Variants in LRMDA observed in about 807,000 individuals in gnomAD.
LRMDA encodes the protein leucine rich melanocyte differentiation associated, also known as leucine-rich melanocyte differentiation-associated protein.
Under a neutral mutation model 29.8 loss-of-function variants are expected in LRMDA, and 18 were observed. The observed-to-expected ratio is 0.60, with a 90% CI of 0.42 to 0.90. The LOEUF is 0.90. Ranked by LOEUF, LRMDA falls within the 40% of genes least tolerant of loss-of-function variation. The pLI, the probability that LRMDA is intolerant of heterozygous loss-of-function variation, is 0.00. For missense variants in LRMDA, 273 were observed against 273.9 expected (o/e 1.00, Z 0.02); for synonymous variants, 125 against 109.4 (o/e 1.14, Z -0.89).
chr10:75,771,813 A>G (rs946368006), intron 2 of LRMDA, among the ~76,000 whole-genome samples: 2 of 152,018 alleles, frequency 1.3e-5, no homozygotes, highest in African/African-American at 4.8e-5. Context: ...GGCTTGAATC[A>G]CCAGGTGTGG....
intron 5 of LRMDA, among the ~76,000 whole-genome samples, chr10:76,137,913 C>A (rs546787023): frequency 6.6e-6 from 1 of 152,056 alleles, no homozygotes; most frequent in Admixed American, 6.6e-5. Context: ...GCTGGGGGGA[C>A]TGTGATTCTA....
chr10:76,487,917 T>C (rs1042871677), intron 6 of LRMDA, among the ~76,000 whole-genome samples: 1 of 151,910 alleles, frequency 6.6e-6, no homozygotes, highest in Non-Finnish European at 1.5e-5. Flanking sequence ...TCAGTTTCCT[T>C]ATTTCTAAAT....
At chr10:76,477,018 C>A (rs886236744) in intron 6 of LRMDA, among the ~76,000 whole-genome samples, 1 of 152,128 alleles carries the variant, frequency 6.6e-6, no homozygotes, top group African/African-American at 2.4e-5. Flanking sequence ...TCTCACCACT[C>A]CTATTCAACA....
chr10:75,653,167 C>G (rs1201933342), intron 2 of LRMDA, among the ~76,000 whole-genome samples: 1 of 152,142 alleles, frequency 6.6e-6, no homozygotes, highest in East Asian at 1.9e-4. Flanking sequence ...TTCTTTCATT[C>G]CTATTCCAGG....
chr10:76,027,557 T>A (rs1438831762), intron 2 of LRMDA, among the ~76,000 whole-genome samples: 1 of 152,138 alleles, frequency 6.6e-6, no homozygotes, highest in Non-Finnish European at 1.5e-5. Context: ...TTTAAGTGTG[T>A]TTGTGTATGT....
At chr10:75,692,362 TTCTA>T (rs1330115427) in intron 2 of LRMDA, among the ~76,000 whole-genome samples, 3 of 148,082 alleles carry the variant, frequency 2.0e-5, no homozygotes, top group Admixed American at 1.4e-4. Flanking sequence ...ATAGGCCAGG[TTCTA>T]TCTCTTATCC....
chr10:76,445,764 A>G (rs1216834058), intron 6 of LRMDA, among the ~76,000 whole-genome samples: 1 of 152,150 alleles, frequency 6.6e-6, no homozygotes, highest in African/African-American at 2.4e-5. Context: ...ACTAGTGACA[A>G]CTTGGAGTGG....
chr10:76,452,890 A>G lies in LRMDA; in HGVS notation c.602-104319A>G, dbSNP rs1589193589. Among the ~76,000 whole-genome samples the G allele has an allele frequency of 2.6e-5, 4 of 152,170 alleles. No homozygotes were observed. The South Asian group carries it at 6.2e-4, about 24-fold the overall frequency. On this transcript the variant is annotated intron_variant, in intron 6 of 6. Transcript: ENST00000611255. Reference sequence around the variant, plus strand: ...TATCCTAGGATTCCAAATTCCTAGTATAAGGGGTATTTCTATTATGCCATG... The same window carrying G: ...TATCCTAGGATTCCAAATTCCTAGTGTAAGGGGTATTTCTATTATGCCATG...
intron 2 of LRMDA, among the ~76,000 whole-genome samples, chr10:75,587,821 TGG>T (rs1481738644): frequency 1.3e-5 from 2 of 152,220 alleles, no homozygotes. Context: ...TGTCGATCCC[TGG>T]TCCAATCAGC....
At chr10:75,654,380 C>G (rs138179526) in intron 2 of LRMDA, among the ~76,000 whole-genome samples, 1 of 152,222 alleles carries the variant, frequency 6.6e-6, no homozygotes, top group African/African-American at 2.4e-5. Context: ...TGGGAGCCAC[C>G]AACAGTTCTT....
chr10:75,560,325 C>T (rs1251229362), intron 2 of LRMDA, among the ~76,000 whole-genome samples: 4 of 151,806 alleles, frequency 2.6e-5, no homozygotes, highest in African/African-American at 9.7e-5. Flanking sequence ...CATGATTTGG[C>T]TCTCTGTTTG....
Position 76,542,054 on chromosome 10 carries a change from C to CGTGTGTGTGTGT in LRMDA, c.602-15140_602-15129dup, listed in dbSNP as rs34637437. Among the ~76,000 whole-genome samples the CGTGTGTGTGTGT allele has an allele frequency of 1.3e-3, 198 of 150,262 alleles. 1 individual carries two copies. Among genetic ancestry groups the CGTGTGTGTGTGT allele is most frequent in the African/African-American group, 4.5e-3 (184 of 40,956 alleles). ...ACATGCATGCATGTAGGTGTGTGCA[C>CGTGTGTGTGTGT]GTGTGTGTGTGTGTGTGTGTGTGTG... is the stretch of plus-strand genomic sequence containing the variant. On this transcript the variant is annotated intron_variant, in intron 6 of 6. Coordinates refer to ENST00000611255, the MANE Select transcript of LRMDA (RefSeq NM_001305581.2).
At chr10:76,152,299 C>T (rs562027792) in intron 5 of LRMDA, among the ~76,000 whole-genome samples, 4 of 152,266 alleles carry the variant, frequency 2.6e-5, no homozygotes, top group South Asian at 4.1e-4. Context: ...TGGCTTCTTT[C>T]ATTTGGCATA....
chr10:76,450,975 T>G (rs1021762013), intron 6 of LRMDA, among the ~76,000 whole-genome samples: 1 of 152,158 alleles, frequency 6.6e-6, no homozygotes, highest in Non-Finnish European at 1.5e-5. Context: ...CTATTCTAGA[T>G]GATATTGTTG....
At chr10:76,008,822 T>G (rs1438381158) in intron 2 of LRMDA, among the ~76,000 whole-genome samples, 2 of 152,248 alleles carry the variant, frequency 1.3e-5, no homozygotes, top group African/African-American at 2.4e-5. Flanking sequence ...TCATGGGAGA[T>G]CCTTTCCACT....
At position 75,764,619 on chromosome 10, in the gene LRMDA, A is replaced by G. The variant is rs542649890; in HGVS notation, c.132-271389A>G. ...GAAAATCTGCTGTGGGTGATGTGTC[A>G]TATATCAAAGGCAGGGCATCAGTAA... On this transcript the variant is annotated intron_variant, in intron 2 of 6. Coordinates refer to ENST00000611255, the MANE Select transcript of LRMDA (RefSeq NM_001305581.2). 1.6e-3 allele frequency among the ~76,000 whole-genome samples: 245 copies of G among 152,318 alleles called. 2 individuals carry two copies. The highest frequency in any genetic ancestry group is 2.9e-3 in the Admixed American group (44 of 15,300).
At chr10:76,412,520 C>A (rs1050453071) in intron 6 of LRMDA, among the ~76,000 whole-genome samples, 8 of 152,116 alleles carry the variant, frequency 5.3e-5, no homozygotes, top group African/African-American at 1.9e-4. Flanking sequence ...AAAAAGAGTT[C>A]ATCTCCTTTC....
chr10:76,391,104 A>C (rs1302965566), intron 6 of LRMDA, among the ~76,000 whole-genome samples: 1 of 152,224 alleles, frequency 6.6e-6, no homozygotes, highest in Non-Finnish European at 1.5e-5. Context: ...AAAACCTCTA[A>C]CCAATATTCC....
intron 2 of LRMDA, among the ~76,000 whole-genome samples, chr10:75,694,899 T>A (rs1460924642): frequency 2.6e-5 from 4 of 152,210 alleles, no homozygotes; most frequent in Non-Finnish European, 4.4e-5. Flanking sequence ...TGTAAATTCC[T>A]TGACATAATA....
Sources: allele counts gnomAD v4.1 joint callset (sites outside exome capture counted in the v4.1 genomes callset), GRCh38; gene constraint gnomAD v4.1.1; transcripts MANE v1.5; gene names NCBI Gene and HGNC (gene_info 2026-07-23, HGNC 2026-07-21).